Variants in RNGTT observed in about 807,000 individuals in gnomAD.
RNGTT encodes RNA guanylyltransferase and 5'-phosphatase.
Under a neutral mutation model 79.3 loss-of-function variants are expected in RNGTT, and 33 were observed. The ratio of observed to expected loss-of-function variants is 0.42; its 90% CI spans 0.32 to 0.56. The LOEUF (loss-of-function observed/expected upper bound fraction) is 0.56, where lower values mean the gene tolerates loss of function less well. Among genes scored for constraint, RNGTT ranks in the 20% least tolerant of loss-of-function variants. The pLI is 0.17. For synonymous variants in RNGTT, 222 were observed against 235.9 expected (o/e 0.94, Z 0.54); for missense variants, 497 against 739.1 (o/e 0.67, Z 3.80).
At chr6:88,837,299 A>G (rs1477552591) in intron 11 of RNGTT, among the ~76,000 whole-genome samples, 1 of 152,156 alleles carries the variant, frequency 6.6e-6, no homozygotes. Context: ...CGGGAGGCTG[A>G]GGCAGGAGGA....
intron 8 of RNGTT, among the ~76,000 whole-genome samples, chr6:88,862,490 C>T (rs148686563): frequency 2.0e-4 from 30 of 152,328 alleles, no homozygotes; most frequent in African/African-American, 7.0e-4. Context: ...CTATGCATCT[C>T]TTCATCTGTA....
At chr6:88,891,997 A>C in intron 6 of RNGTT, 82 bp from the exon 7 acceptor site, 1 of 939,758 alleles carries the variant, frequency 1.1e-6, no homozygotes, top group Non-Finnish European at 1.5e-6. Context: ...AGAGACTGAG[A>C]GATAAATTAG....
At chr6:88,800,752 T>G (rs191493006) in intron 12 of RNGTT, among the ~76,000 whole-genome samples, 31 of 152,342 alleles carry the variant, frequency 2.0e-4, no homozygotes, top group African/African-American at 7.0e-4. Context: ...CAGGCCACAT[T>G]TTGAAAAACA....
chr6:88,710,189 C>T (rs1021192748), intron 13 of RNGTT, among the ~76,000 whole-genome samples: 2 of 152,182 alleles, frequency 1.3e-5, no homozygotes, highest in African/African-American at 2.4e-5. Flanking sequence ...GGCAACATAG[C>T]AAGTCCCTGT....
intron 11 of RNGTT, among the ~76,000 whole-genome samples, chr6:88,824,889 TCCA>T (rs1780608404): frequency 6.6e-6 from 1 of 151,832 alleles, no homozygotes; most frequent in Non-Finnish European, 1.5e-5. Flanking sequence ...ATTATAGGCG[TCCA>T]CCACCACGCC....
intron 14 of RNGTT, among the ~76,000 whole-genome samples, chr6:88,668,389 G>A (rs1202813402): frequency 6.6e-6 from 1 of 152,094 alleles, no homozygotes; most frequent in Non-Finnish European, 1.5e-5. Context: ...GAAGCTGACT[G>A]GTCTATGCAC....
chr6:88,898,349 TC>T (rs1783323440), intron 6 of RNGTT, among the ~76,000 whole-genome samples: 1 of 152,140 alleles, frequency 6.6e-6, no homozygotes, highest in African/African-American at 2.4e-5. Context: ...ATTTTACATT[TC>T]TTTTGTCTTT....
At chr6:88,820,801 C>T (rs1780472729) in intron 11 of RNGTT, among the ~76,000 whole-genome samples, 1 of 151,912 alleles carries the variant, frequency 6.6e-6, no homozygotes, top group African/African-American at 2.4e-5. Context: ...ACGAAAGAAA[C>T]CAAAGAAGAA....
chr6:88,910,421 T>C (rs1783792873), intron 4 of RNGTT, among the ~76,000 whole-genome samples: 2 of 152,082 alleles, frequency 1.3e-5, no homozygotes, highest in South Asian at 4.2e-4. Flanking sequence ...ACCAATCCTT[T>C]GAAGCAACTG....
intron 14 of RNGTT, among the ~76,000 whole-genome samples, chr6:88,646,671 T>C (rs1051054666): frequency 1.1e-4 from 16 of 152,112 alleles, no homozygotes; most frequent in Non-Finnish European, 2.2e-4. Context: ...CCATAAAAAA[T>C]GATGAGTTCA....
intron 13 of RNGTT, among the ~76,000 whole-genome samples, chr6:88,763,541 G>A (rs183289510): frequency 6.2e-4 from 94 of 152,188 alleles, no homozygotes; most frequent in Middle Eastern, 3.4e-3. Context: ...ACTTGTTATC[G>A]TCTTTCTAAT....
intron 13 of RNGTT, among the ~76,000 whole-genome samples, chr6:88,704,991 C>A (rs1162164986): frequency 4.6e-5 from 7 of 151,718 alleles, no homozygotes; most frequent in Middle Eastern, 3.2e-3. Context: ...AAAAAAAAAA[C>A]TGGTAAATTT....
chr6:88,763,836 G>C (rs1447010157), intron 13 of RNGTT, among the ~76,000 whole-genome samples: 1 of 152,178 alleles, frequency 6.6e-6, no homozygotes, highest in African/African-American at 2.4e-5. Context: ...TACTAAAAAG[G>C]ACGTTACAAA....
Position 88,769,766 on chromosome 6 carries a change from A to G in RNGTT, c.1439+8T>C. ...TTTCATGCAAAAAGTACAAAAGTGC[A>G]TACTTACCCTTCTCCTCCCATTCTT... On this transcript the variant is annotated splice_region_variant and intron_variant, in intron 13 of 15. Transcript: ENST00000369485. 6.4e-7 allele frequency: 1 copy of G among 1,566,058 alleles called. No individual in the cohort carries two copies.
At chr6:88,838,932 A>G (rs1781171756) in intron 11 of RNGTT, among the ~76,000 whole-genome samples, 1 of 152,184 alleles carries the variant, frequency 6.6e-6, no homozygotes, top group Non-Finnish European at 1.5e-5. Flanking sequence ...AGAACTGAAC[A>G]GACAGTCTAG....
intron 2 of RNGTT, among the ~76,000 whole-genome samples, chr6:88,936,100 A>T (rs971432645): frequency 6.6e-6 from 1 of 152,094 alleles, no homozygotes; most frequent in Non-Finnish European, 1.5e-5. Context: ...TTACATTTTT[A>T]AAAAATATTT....
intron 13 of RNGTT, among the ~76,000 whole-genome samples, chr6:88,715,278 A>C (rs1208680449): frequency 6.6e-6 from 1 of 152,236 alleles, no homozygotes; most frequent in Admixed American, 6.5e-5. Flanking sequence ...GGACCTCTTC[A>C]AGAACAACTA....
chr6:88,849,886 A>T, intron 9 of RNGTT, 60 bp from the exon 10 acceptor site: 4 of 1,449,196 alleles, frequency 2.8e-6, no homozygotes, highest in Non-Finnish European at 3.7e-6. Context: ...TTTTAATTTA[A>T]TTGAAATATG....
At position 88,741,156 on chromosome 6, in the gene RNGTT, C is replaced by T. The variant is rs139697961; in HGVS notation, c.1439+28618G>A. ...AAGACACATGCACTCACTTGTTCATCGTGGCACTATTCACAATAACAATGA... is the reference window on the plus strand; with the variant it reads ...AAGACACATGCACTCACTTGTTCATTGTGGCACTATTCACAATAACAATGA... On this transcript the variant is annotated intron_variant, in intron 13 of 15. Transcript: ENST00000369485. Among the ~76,000 whole-genome samples, 844 of 152,172 alleles carry T rather than the reference C, an allele frequency of 5.5e-3. 8 individuals carry two copies. Among genetic ancestry groups the T allele is most frequent in the African/African-American group, 0.018 (729 of 41,500 alleles).
Sources: gnomAD v4.1 joint callset for allele counts (sites outside exome capture counted in the v4.1 genomes callset) on GRCh38, gnomAD v4.1.1 for gene constraint, MANE v1.5 for transcripts, NCBI Gene and HGNC (gene_info 2026-07-23, HGNC 2026-07-21) for gene names.